ZC3H7A: variants seen among roughly 807,000 people sequenced by gnomAD.
ZC3H7A encodes zinc finger CCCH domain-containing protein 7A.
Under a neutral mutation model 125.5 loss-of-function variants are expected in ZC3H7A, and 44 were observed. That is an observed-to-expected ratio of 0.35 (90% CI 0.28 to 0.45). The LOEUF is 0.45. ZC3H7A is among the 20% of genes least tolerant of loss of function. The pLI, the probability that ZC3H7A is intolerant of heterozygous loss-of-function variation, is 1.00. For missense variants in ZC3H7A, 977 were observed against 1,170.7 expected (o/e 0.83, Z 2.41); for synonymous variants, 399 against 391.2 (o/e 1.02, Z -0.23).
At chr16:11,796,412 AT>A (rs2053437446) in intron 1 of ZC3H7A, 1 of 152,140 alleles carries the variant, frequency 6.6e-6, no homozygotes, top group African/African-American at 2.4e-5. Flanking sequence ...ACTCCTTTTC[AT>A]CCCTAGACAG....
chr16:11,767,237 CACTG>C (rs1027458085), intron 13 of ZC3H7A, among the ~76,000 whole-genome samples, 176 bp downstream of exon 13: 18 of 152,108 alleles, frequency 1.2e-4, no homozygotes, highest in African/African-American at 4.1e-4. Flanking sequence ...GTTTAGGAGC[CACTG>C]ACTATGTCAT....
intron 13 of ZC3H7A, among the ~76,000 whole-genome samples, chr16:11,766,458 G>A (rs372048658): frequency 2.0e-5 from 3 of 152,182 alleles, no homozygotes; most frequent in East Asian, 3.8e-4. Flanking sequence ...CCAGCTATTC[G>A]GTAGCTGAGT....
In ZC3H7A at chr16:11,756,292, G is replaced by C. The variant is rs1285705957; in HGVS notation, c.2507C>G (p.Ser836Ter). 6.2e-7 allele frequency: 1 copy of C among 1,614,030 alleles called. No individual in the cohort carries two copies. Among genetic ancestry groups the C allele is most frequent in the Non-Finnish European group, 8.5e-7 (1 of 1,179,980 alleles). Residue 836 changes from serine (S) to a stop codon, truncating the protein, a stop_gained, in exon 21 of 23, where the codon TCA becomes TGA. Coordinates refer to ENST00000355758, the MANE Select transcript of ZC3H7A (RefSeq NM_014153.4). LOFTEE classifies it high-confidence loss of function. ...AATTTGTTTTCCATTTTCCTTGTTT[G>C]ACTGACTGGCTATGTCTTCACTTTT... ...NEKSEDIASQSNKENGKQIHM... is the reference protein window; with the variant it reads ...NEKSEDIASQ
intron 1 of ZC3H7A, among the ~76,000 whole-genome samples, chr16:11,790,713 A>G (rs888945489): frequency 6.6e-6 from 1 of 151,712 alleles, no homozygotes; most frequent in African/African-American, 2.4e-5. Context: ...CTAATTTTGT[A>G]TTTTTAGTAG....
intron 17 of ZC3H7A, 27 bp from the exon 18 acceptor site, chr16:11,762,070 ATTT>A (rs752669667): frequency 1.9e-5 from 29 of 1,551,674 alleles, no homozygotes; most frequent in Non-Finnish European, 2.3e-5. Context: ...ATTCGTTTTA[ATTT>A]TTTTAACAGA....
At chr16:11,782,556 G>A (rs2053189410) in intron 1 of ZC3H7A, 168 bp from the exon 2 acceptor site, 1 of 508,984 alleles carries the variant, frequency 2.0e-6, no homozygotes, top group Admixed American at 3.4e-5. Context: ...CATCTTTGTG[G>A]CTCCCCTGTG....
At chr16:11,770,695 C>T in intron 10 of ZC3H7A, 88 bp downstream of exon 10, 3 of 1,214,322 alleles carry the variant, frequency 2.5e-6, no homozygotes, top group Non-Finnish European at 3.5e-6. Context: ...ATGTCTACTA[C>T]CTAGAGTCAG....
chr16:11,761,552 G>A (rs769309149), intron 18 of ZC3H7A, 41 bp from the exon 19 acceptor site: 4 of 1,601,982 alleles, frequency 2.5e-6, no homozygotes, highest in Admixed American at 1.7e-5. Context: ...AGACACACGA[G>A]CAAAAGACAT....
At chr16:11,774,125 A>C in intron 9 of ZC3H7A, 111 bp downstream of exon 9, 2 of 1,045,654 alleles carry the variant, frequency 1.9e-6, no homozygotes, top group Non-Finnish European at 2.5e-6. Context: ...GGTTAAAAAA[A>C]CCCCCAAATT....
At chr16:11,754,761 C>T (rs935751524) in intron 21 of ZC3H7A, among the ~76,000 whole-genome samples, 2 of 150,460 alleles carry the variant, frequency 1.3e-5, no homozygotes, top group Non-Finnish European at 1.5e-5. Context: ...GCGTGGTGGC[C>T]GGCACCTGTA....
chr16:11,794,096 G>T (rs748872454), intron 1 of ZC3H7A, among the ~76,000 whole-genome samples: 2 of 152,290 alleles, frequency 1.3e-5, no homozygotes, highest in Middle Eastern at 3.4e-3. Context: ...CTGTATGGAA[G>T]AACTCAACAG....
chr16:11,759,397 A>G (rs888820620), intron 19 of ZC3H7A: 5 of 152,236 alleles, frequency 3.3e-5, no homozygotes, highest in African/African-American at 1.2e-4. Context: ...CACGTTTTTC[A>G]GAGTTTTGGC....
chr16:11,770,129 G>A (rs770244939), intron 10 of ZC3H7A, among the ~76,000 whole-genome samples: 2 of 151,714 alleles, frequency 1.3e-5, no homozygotes, highest in Admixed American at 6.6e-5. Context: ...TTTTCTCTCT[G>A]CCCTTCTGTC....
intron 9 of ZC3H7A, among the ~76,000 whole-genome samples, chr16:11,772,102 A>G (rs974676746): frequency 3.3e-5 from 5 of 151,864 alleles, no homozygotes; most frequent in Admixed American, 1.3e-4. Flanking sequence ...AGGTTGAGGC[A>G]GATAATTGCT....
In ZC3H7A at chr16:11,763,502, C is replaced by T. The variant is rs1353951347; in HGVS notation, c.1978G>A (p.Val660Ile). ...FYAHSLVELK[V>I]WIMQNETGIS... ...CCTGTTTCATTTTGCATTATCCAGA[C>T]TTTCAGTTCCACAAGACTATGGGCA... Residue 660 changes from valine to isoleucine, a missense_variant, in exon 16 of 23, where the codon GTC becomes ATC. Coordinates refer to ENST00000355758, the MANE Select transcript of ZC3H7A (RefSeq NM_014153.4). The T allele has an allele frequency of 1.2e-6, 2 of 1,604,560 alleles. No individual in the cohort carries two copies. Among genetic ancestry groups the T allele is most frequent in the Non-Finnish European group, 1.7e-6 (2 of 1,174,940 alleles).
rs551610614 is a variant in ZC3H7A, at chr16:11,765,755, G to C, written c.1523-70C>G. On this transcript the variant is annotated intron_variant, in intron 13 of 22. Coordinates refer to ENST00000355758, the MANE Select transcript of ZC3H7A (RefSeq NM_014153.4). This position sits in a 1 kb window ranked among gnomAD's most constrained non-coding sequence, Gnocchi z 4.8. ...GCCTGTACTCCCAGCTACTTGGGAG[G>C]CTGAGGTGGGAGGATCCCTTGAGCC... 1.2e-3 allele frequency: 1,806 copies of C among 1,466,148 alleles called. 3 individuals are homozygous for C. Among genetic ancestry groups the C allele is most frequent in the Non-Finnish European group, 1.6e-3 (1,702 of 1,080,480 alleles). The allele number at this position is 1,466,148 out of a possible 1,614,324, so 90.8% of individuals were successfully genotyped here. A position where few individuals can be genotyped will look rare whatever the true frequency, so the allele number is the denominator to read the frequency against.
chr16:11,792,736 AT>A, intron 1 of ZC3H7A, among the ~76,000 whole-genome samples: 1 of 152,322 alleles, frequency 6.6e-6, no homozygotes, highest in East Asian at 1.9e-4. Flanking sequence ...GCAGAGCTCA[AT>A]TTCAAAGGCA....
At chr16:11,775,266 G>A (rs2141198384) in intron 7 of ZC3H7A, among the ~76,000 whole-genome samples, 1 of 152,134 alleles carries the variant, frequency 6.6e-6, no homozygotes, top group Non-Finnish European at 1.5e-5. Flanking sequence ...AGCTACTCAG[G>A]AGGCTGAGGC....
At chr16:11,793,108 A>G (rs888271032) in intron 1 of ZC3H7A, among the ~76,000 whole-genome samples, 2 of 152,228 alleles carry the variant, frequency 1.3e-5, no homozygotes, top group African/African-American at 4.8e-5. Context: ...ATTTAAATAC[A>G]AATAATATTA....
Sources: allele counts gnomAD v4.1 joint callset (sites outside exome capture counted in the v4.1 genomes callset), GRCh38; gene constraint gnomAD v4.1.1; non-coding constraint Gnocchi (gnomAD v3.1); transcripts MANE v1.5; gene names NCBI Gene and HGNC (gene_info 2026-07-23, HGNC 2026-07-21).